Variants in CHRM5 observed in about 807,000 individuals in gnomAD.
CHRM5 encodes the protein muscarinic acetylcholine receptor M5.
Under a neutral mutation model 39.0 loss-of-function variants are expected in CHRM5, and 18 were observed. The ratio of observed to expected loss-of-function variants is 0.46; its 90% confidence interval spans 0.32 to 0.68. CHRM5 has a LOEUF of 0.68. CHRM5 is among the 30% of genes least tolerant of loss of function. The pLI is 0.04. For synonymous variants in CHRM5, 241 were observed against 246.3 expected (o/e 0.98, Z 0.20); for missense variants, 515 against 651.1 (o/e 0.79, Z 2.28).
intron 1 of CHRM5, among the ~76,000 whole-genome samples, chr15:34,013,658 A>C (rs1164635423): frequency 1.3e-5 from 2 of 152,218 alleles, no homozygotes; most frequent in African/African-American, 4.8e-5. Context: ...AACACGGAGA[A>C]GTAAACATAT....
At chr15:34,027,248 C>T (rs1416137750) in intron 1 of CHRM5, among the ~76,000 whole-genome samples, 4 of 152,156 alleles carry the variant, frequency 2.6e-5, no homozygotes, top group Non-Finnish European at 1.5e-5. Flanking sequence ...ACAGCCTCGG[C>T]TCATACCTGT....
chr15:33,990,190 T>TGA (rs1360810671), intron 1 of CHRM5, among the ~76,000 whole-genome samples: 2 of 150,184 alleles, frequency 1.3e-5, no homozygotes, highest in Non-Finnish European at 3.0e-5. Flanking sequence ...GGCAACAGGG[T>TGA]GAGACTCCGT....
intron 1 of CHRM5, among the ~76,000 whole-genome samples, chr15:34,025,833 C>T (rs1898443935): frequency 6.6e-6 from 1 of 151,954 alleles, no homozygotes; most frequent in East Asian, 1.9e-4. Context: ...CTGGACCTGT[C>T]CAAACTCAAG....
At chr15:34,010,244 C>G (rs1371106987) in intron 1 of CHRM5, among the ~76,000 whole-genome samples, 1 of 152,126 alleles carries the variant, frequency 6.6e-6, no homozygotes, top group Non-Finnish European at 1.5e-5. Context: ...AATTTATAAT[C>G]TGCTTAATTT....
At chr15:34,055,063 A>T (rs961087338) in intron 2 of CHRM5, among the ~76,000 whole-genome samples, 3 of 151,918 alleles carry the variant, frequency 2.0e-5, no homozygotes, top group African/African-American at 7.2e-5. Flanking sequence ...ATGGTGGCAC[A>T]TGCCTGTAAT....
Position 34,013,417 on chromosome 15 carries a change from G to A in CHRM5, c.-407-33123G>A, listed in dbSNP as rs565363202. Reference sequence around the variant, plus strand: ...AGTCACCTTGATAGTTCCTTCCCAGGATAAACTTATTTCTTTAAGTACAAC... The same window carrying A: ...AGTCACCTTGATAGTTCCTTCCCAGAATAAACTTATTTCTTTAAGTACAAC... On this transcript the variant is annotated intron_variant, in intron 1 of 2. Coordinates refer to ENST00000383263, the MANE Select transcript of CHRM5 (RefSeq NM_012125.4). Among the ~76,000 whole-genome samples, 57 of 152,248 alleles carry A rather than the reference G, an allele frequency of 3.7e-4. No homozygotes were observed. In the Middle Eastern group the frequency reaches 0.014, roughly 36 times the overall value.
rs189763970 is a variant in CHRM5, at chr15:33,979,490, C to T, written c.-408+10340C>T. ...ACAAAGCAAGACCCTGTCTCAAAAA[C>T]AAGCAAGCAAATAAAACTGCACTAT... On this transcript the variant is annotated intron_variant, in intron 1 of 2. Transcript: ENST00000383263. Among the ~76,000 whole-genome samples the T allele has an allele frequency of 2.6e-4, 40 of 152,278 alleles. No homozygotes were observed. In the East Asian group the frequency reaches 6.4e-3, roughly 24 times the overall value.
At chr15:34,033,505 CAAA>C (rs768807611) in intron 1 of CHRM5, among the ~76,000 whole-genome samples, 2 of 96,540 alleles carry the variant, frequency 2.1e-5, no homozygotes, top group Non-Finnish European at 2.2e-5. Context: ...GGCTCCGTCT[CAAA>C]AAAAAAAAAA....
intron 1 of CHRM5, among the ~76,000 whole-genome samples, chr15:33,978,082 A>C (rs1895965457): frequency 6.6e-6 from 1 of 152,118 alleles, no homozygotes; most frequent in African/African-American, 2.4e-5. Flanking sequence ...GACCATTTCA[A>C]AAGTCACTAT....
At chr15:34,022,574 G>A (rs1898250057) in intron 1 of CHRM5, among the ~76,000 whole-genome samples, 1 of 152,134 alleles carries the variant, frequency 6.6e-6, no homozygotes, top group Non-Finnish European at 1.5e-5. Context: ...TTTGAGGCTG[G>A]GCCACAGCCT....
rs749924788 is a variant in CHRM5, at chr15:34,063,397, T to C, written c.680T>C (p.Leu227Pro). The C allele has an allele frequency of 2.5e-6, 4 of 1,613,952 alleles. No individual in the cohort carries two copies. The South Asian group carries it at 4.4e-5, about 18-fold the overall frequency. ...YRETEKRTKD[L>P]ADLQGSDSVT... ...GAAACAGAGAAGCGAACCAAGGACC[T>C]GGCTGACCTCCAGGGTTCTGACTCT... Residue 227 changes from leucine to proline, a missense_variant, in exon 3 of 3, where the codon CTG becomes CCG. Leu to Pro is a moderately conservative substitution (Grantham distance 98). Transcript: ENST00000383263. This position sits in a 1 kb window ranked among gnomAD's most constrained non-coding sequence, Gnocchi z 4.1.
Position 34,063,526 on chromosome 15 carries a change from C to G in CHRM5, c.809C>G (p.Ser270Cys), listed in dbSNP as rs1345518801. ...TLAQRERNQASWSSSRRSTST... is the reference protein window; with the variant it reads ...TLAQRERNQACWSSSRRSTST... ...GCCCAGCGGGAAAGGAACCAGGCCT[C>G]CTGGTCATCCTCCCGCAGGAGCACC... Residue 270 changes from serine (S) to cysteine (C), a missense_variant, in exon 3 of 3, where the codon TCC becomes TGC. Ser to Cys is a moderately radical substitution (Grantham distance 112, BLOSUM62 -1). Coordinates refer to ENST00000383263, the MANE Select transcript of CHRM5 (RefSeq NM_012125.4). This position sits in a 1 kb window ranked among gnomAD's most constrained non-coding sequence, Gnocchi z 4.1. 1 of 1,613,718 alleles carries G rather than the reference C, an allele frequency of 6.2e-7. No individual in the cohort carries two copies. Among genetic ancestry groups the G allele is most frequent in the Non-Finnish European group, 8.5e-7 (1 of 1,180,048 alleles).
chr15:34,003,798 A>C (rs370084898), intron 1 of CHRM5, among the ~76,000 whole-genome samples: 85 of 152,320 alleles, frequency 5.6e-4, no homozygotes, highest in African/African-American at 1.9e-3. Context: ...GAATAATGAA[A>C]ACCATTCCAC....
intron 1 of CHRM5, among the ~76,000 whole-genome samples, chr15:34,024,688 TAAA>T (rs58379586): frequency 1.5e-5 from 2 of 132,000 alleles, no homozygotes; most frequent in African/African-American, 2.8e-5. Flanking sequence ...CCGTCTCTAC[TAAA>T]AAAAAAAAAA....
At chr15:34,014,385 C>CAAAA (rs869310860) in intron 1 of CHRM5, among the ~76,000 whole-genome samples, 2 of 23,894 alleles carry the variant, frequency 8.4e-5, no homozygotes, top group African/African-American at 1.6e-4. Flanking sequence ...AAAAAAAAAA[C>CAAAA]AAAAACAAAA....
chr15:34,056,954 C>T (rs1021909159), intron 2 of CHRM5, among the ~76,000 whole-genome samples: 10 of 151,992 alleles, frequency 6.6e-5, no homozygotes, highest in Non-Finnish European at 1.5e-4. Context: ...TGGGGGGATC[C>T]CTTGAGCCCA....
intron 2 of CHRM5, among the ~76,000 whole-genome samples, chr15:34,053,313 AAAAAAAATATATAT>A (rs1223071609): frequency 2.1e-5 from 2 of 94,602 alleles, no homozygotes; most frequent in Non-Finnish European, 4.2e-5. Flanking sequence ...AAAAAAAAAA[AAAAAAAATATATAT>A]ATATATATAT....
At chr15:34,014,501 C>G (rs1245998876) in intron 1 of CHRM5, among the ~76,000 whole-genome samples, 1 of 151,522 alleles carries the variant, frequency 6.6e-6, no homozygotes, top group Non-Finnish European at 1.5e-5. Flanking sequence ...ATCAAAAATC[C>G]ATGGGAAACA....
intron 1 of CHRM5, chr15:33,972,307 G>A (rs1189592480): frequency 6.6e-6 from 1 of 152,014 alleles, no homozygotes; most frequent in Non-Finnish European, 1.5e-5. Context: ...CAGAAATACT[G>A]ATGCTACTCA....
Sources: gnomAD v4.1 joint callset for allele counts (sites outside exome capture counted in the v4.1 genomes callset) on GRCh38, gnomAD v4.1.1 for gene constraint, Gnocchi (gnomAD v3.1) non-coding constraint, MANE v1.5 for transcripts, NCBI Gene and HGNC (gene_info 2026-07-23, HGNC 2026-07-21) for gene names.